Variants in TSNARE1 observed in about 807,000 individuals in gnomAD.
TSNARE1 encodes t-SNARE domain containing 1, also known as t-SNARE domain-containing protein 1.
Under a neutral mutation model 62.0 loss-of-function variants are expected in TSNARE1, and 49 were observed. The ratio of observed to expected loss-of-function variants is 0.79; its 90% CI spans 0.63 to 1.00. The LOEUF is 1.00. Ranked by LOEUF, TSNARE1 falls within the 50% of genes least tolerant of loss-of-function variation. The pLI, the probability that TSNARE1 is intolerant of heterozygous loss-of-function variation, is 0.00. For synonymous variants in TSNARE1, 328 were observed against 294.4 expected (o/e 1.11, Z -1.17); for missense variants, 755 against 700.1 (o/e 1.08, Z -0.88).
rs7814359 is a variant in TSNARE1, at chr8:142,354,673, A to G, written c.52T>C (p.Phe18Leu). The G allele has an allele frequency of 0.23, 367,733 of 1,611,840 alleles. 47,705 individuals are homozygous for G. The highest frequency in any genetic ancestry group is 0.56 in the African/African-American group (42,196 of 74,700). Residue 18 changes from phenylalanine to leucine, a missense_variant, in exon 2 of 14, where the codon TTC becomes CTC. Coordinates refer to ENST00000524325, the MANE Select transcript of TSNARE1 (RefSeq NM_145003.5). ...RGGGLGSRGP[F>L]GGPSRQGCQP... ...CAGCCTTGTCTCGAAGGTCCCCCGA[A>G]AGGGCCACGGCTCCCCAGGCCACCT... is the stretch of plus-strand genomic sequence containing the variant.
chr8:142,298,046 C>T (rs1435890056), intron 10 of TSNARE1, among the ~76,000 whole-genome samples: 1 of 152,224 alleles, frequency 6.6e-6, no homozygotes, highest in African/African-American at 2.4e-5. Flanking sequence ...AGCCCCCCTG[C>T]TACCCCCCGT....
intron 12 of TSNARE1, among the ~76,000 whole-genome samples, chr8:142,237,208 C>T (rs2130147663): frequency 6.6e-6 from 1 of 152,288 alleles, no homozygotes; most frequent in Middle Eastern, 3.4e-3. Flanking sequence ...ACCCCTCCTG[C>T]TTCTCCCTGC....
At chr8:142,344,505 C>T (rs1427721437) in intron 3 of TSNARE1, 33 bp from the exon 4 acceptor site, 3 of 1,466,452 alleles carry the variant, frequency 2.0e-6, no homozygotes, top group Non-Finnish European at 1.8e-6. Flanking sequence ...ATGTTTAAGG[C>T]CCTGGGCCTG....
intron 4 of TSNARE1, among the ~76,000 whole-genome samples, chr8:142,340,782 C>G (rs1388080719): frequency 6.6e-6 from 1 of 152,204 alleles, no homozygotes; most frequent in Non-Finnish European, 1.5e-5. Context: ...GCCTCAGACC[C>G]CAGGGCCACA....
At chr8:142,272,829 G>A (rs1308880413) in intron 12 of TSNARE1, 2 of 983,976 alleles carry the variant, frequency 2.0e-6, no homozygotes, top group African/African-American at 1.8e-5. Flanking sequence ...TCGCAGGCGG[G>A]AACAGGACAT....
rs76847545 is a variant in TSNARE1 at position 142,227,171 on chromosome 8, G to A, written c.*11+2302C>T. 3.0e-4 allele frequency among the ~76,000 whole-genome samples: 44 copies of A among 144,470 alleles called. 1 individual carries two copies. Among genetic ancestry groups the A allele is most frequent in the African/African-American group, 9.3e-4 (36 of 38,532 alleles). The allele number at this position is 144,470 out of a possible 152,430, so 94.8% of individuals were successfully genotyped here. A position where few individuals can be genotyped will look rare whatever the true frequency, so the allele number is the denominator to read the frequency against. On this transcript the variant is annotated intron_variant, in intron 13 of 13. Transcript: ENST00000524325. ...CAGTGACAGCCAGGACCTCCACTGT[G>A]CCCACACCCCAGTGACAGTGAGGAC...
At chr8:142,268,111 C>T (rs1029550957) in intron 12 of TSNARE1, among the ~76,000 whole-genome samples, 2 of 152,214 alleles carry the variant, frequency 1.3e-5, no homozygotes, top group Non-Finnish European at 1.5e-5. Context: ...CACCCTTGCC[C>T]TCAGGGCCAG....
At chr8:142,271,331 A>G in intron 12 of TSNARE1, 1 of 1,156,690 alleles carries the variant, frequency 8.6e-7, no homozygotes, top group African/African-American at 1.6e-5. Context: ...CCGCTGCAGC[A>G]GCAGGTTTTG....
intron 1 of TSNARE1, among the ~76,000 whole-genome samples, chr8:142,356,298 G>C (rs1053699369): frequency 6.6e-6 from 1 of 152,158 alleles, no homozygotes; most frequent in Non-Finnish European, 1.5e-5. Context: ...TCTCTCCACA[G>C]GTCTCAGGCC....
At chr8:142,327,555 A>C (rs1830437342) in intron 6 of TSNARE1, among the ~76,000 whole-genome samples, 1 of 152,194 alleles carries the variant, frequency 6.6e-6, no homozygotes, top group South Asian at 2.1e-4. Flanking sequence ...CCCCTCACAG[A>C]GCCCTCCATC....
Position 142,274,812 on chromosome 8 carries a change from C to T in TSNARE1, c.1415G>A (p.Arg472His), listed in dbSNP as rs898206027. 1.2e-5 allele frequency: 19 copies of T among 1,578,894 alleles called. No individual in the cohort carries two copies. The highest frequency in any genetic ancestry group is 2.4e-5 in the East Asian group (1 of 41,868). ...EAASSHAEAA[R>H]QLLAGASRHQ... Reference sequence around the variant, plus strand: ...CCGGCTGGCTCCAGCCAGGAGCTGGCGGGCTGCCTCCGCATGCGAGGACGC... The same window carrying T: ...CCGGCTGGCTCCAGCCAGGAGCTGGTGGGCTGCCTCCGCATGCGAGGACGC... The change falls in exon 12 of 14, where the codon CGC becomes CAC. Residue 472 changes from arginine to histidine, a missense_variant. By Grantham distance (29) the Arg-to-His change is conservative. Transcript: ENST00000524325.
At chr8:142,284,565 C>G in intron 10 of TSNARE1, 80 bp from the exon 11 acceptor site, 4 of 1,235,368 alleles carry the variant, frequency 3.2e-6, no homozygotes, top group Non-Finnish European at 4.8e-6. Flanking sequence ...TCCCATGGAA[C>G]CTGGGGCGGG....
chr8:142,226,017 T>A (rs1278974231), intron 13 of TSNARE1, among the ~76,000 whole-genome samples: 1 of 152,198 alleles, frequency 6.6e-6, no homozygotes, highest in Non-Finnish European at 1.5e-5. Context: ...GGTGCTTCTG[T>A]GTCCTCTCTT....
At chr8:142,330,346 C>T (rs944735834) in intron 6 of TSNARE1, among the ~76,000 whole-genome samples, 16 of 152,202 alleles carry the variant, frequency 1.1e-4, no homozygotes, top group Admixed American at 9.8e-4. Flanking sequence ...AGGCACCTCT[C>T]CCCATCCCAG....
intron 4 of TSNARE1, among the ~76,000 whole-genome samples, chr8:142,343,232 C>T (rs1356547014): frequency 2.0e-5 from 3 of 152,220 alleles, no homozygotes; most frequent in Non-Finnish European, 4.4e-5. Flanking sequence ...CAGGGCGGCG[C>T]CAGCCTGTAG....
chr8:142,369,111 C>G (rs532465553), intron 1 of TSNARE1, among the ~76,000 whole-genome samples: 2 of 152,212 alleles, frequency 1.3e-5, no homozygotes, highest in Non-Finnish European at 2.9e-5. Flanking sequence ...AGCCAGCAGA[C>G]GCAGCTACTG....
At chr8:142,344,496 T>C in intron 3 of TSNARE1, 24 bp from the exon 4 acceptor site, 2 of 1,494,464 alleles carry the variant, frequency 1.3e-6, no homozygotes, top group Non-Finnish European at 1.8e-6. Context: ...AAAAGGCGGA[T>C]GTTTAAGGCC....
chr8:142,328,066 C>T (rs1416908579), intron 6 of TSNARE1, among the ~76,000 whole-genome samples: 6 of 151,672 alleles, frequency 4.0e-5, no homozygotes, highest in Admixed American at 2.6e-4. Context: ...CCAAGGGGAG[C>T]GGGTCCTCTG....
At chr8:142,252,033 A>T (rs1818200243) in intron 12 of TSNARE1, among the ~76,000 whole-genome samples, 1 of 128,698 alleles carries the variant, frequency 7.8e-6, no homozygotes, top group Non-Finnish European at 1.6e-5. Flanking sequence ...GGCACCATGT[A>T]CCCGCCGCCC....
Sources: allele counts gnomAD v4.1 joint callset (sites outside exome capture counted in the v4.1 genomes callset), GRCh38; gene constraint gnomAD v4.1.1; transcripts MANE v1.5; gene names NCBI Gene and HGNC (gene_info 2026-07-23, HGNC 2026-07-21).